The following PCDHGA6 variants were observed in gnomAD, a reference collection of about 807,000 sequenced individuals.
PCDHGA6 encodes protocadherin gamma subfamily A, 6.
In PCDHGA6, 41 loss-of-function variants were observed where a neutral mutation model predicts 60.6. The ratio of observed to expected loss-of-function variants is 0.68; its 90% CI spans 0.53 to 0.88. The LOEUF (loss-of-function observed/expected upper bound fraction) is 0.88. Among genes scored for constraint, PCDHGA6 ranks in the 40% least tolerant of loss-of-function variants. The pLI, the probability that PCDHGA6 is intolerant of heterozygous loss-of-function variation, is 0.00. For missense variants in PCDHGA6, 1,312 were observed against 1,203.0 expected (o/e 1.09, Z -1.34); for synonymous variants, 594 against 524.4 (o/e 1.13, Z -1.81).
At chr5:141,422,639 C>A (rs777330051) in intron 1 of PCDHGA6, 1 of 1,612,780 alleles carries the variant, frequency 6.2e-7, no homozygotes, top group South Asian at 1.1e-5. Context: ...AGGGGTGCCT[C>A]CATCTTCTCA....
In PCDHGA6 at chr5:141,404,747, G is replaced by A. The variant is rs142282950; in HGVS notation, c.2424+28240G>A. 3.0e-4 allele frequency: 483 copies of A among 1,614,062 alleles called. 2 individuals carry two copies. The African/African-American group carries it at 5.3e-3, about 18-fold the overall frequency. On this transcript the variant is annotated intron_variant, in intron 1 of 3. Coordinates refer to ENST00000517434, the MANE Select transcript of PCDHGA6 (RefSeq NM_018919.3). ...GGTGGTGGCAGTGGACAGAGACTCA[G>A]GCCAGAATGCTTGGCTCTCCTACCG...
chr5:141,428,090 G>A (rs1415146154), intron 1 of PCDHGA6: 1 of 1,608,870 alleles, frequency 6.2e-7, no homozygotes, highest in Non-Finnish European at 8.5e-7. Flanking sequence ...ACGCTTGGCT[G>A]TCCTACCACG....
chr5:141,510,814 CT>C, intron 3 of PCDHGA6, 132 bp from the exon 4 acceptor site: 1 of 1,544,688 alleles, frequency 6.5e-7, no homozygotes, highest in Non-Finnish European at 8.8e-7. Context: ...TTGGTGACCC[CT>C]ATATTCCCAG....
At chr5:141,398,698 T>C (rs2093690457) in intron 1 of PCDHGA6, 2 of 1,613,680 alleles carry the variant, frequency 1.2e-6, no homozygotes, top group Admixed American at 1.7e-5. Flanking sequence ...TGGTAGTAAA[T>C]ACCCGGAACT....
chr5:141,458,408 C>T (rs895785923), intron 1 of PCDHGA6, among the ~76,000 whole-genome samples: 3 of 151,932 alleles, frequency 2.0e-5, no homozygotes, highest in Non-Finnish European at 2.9e-5. Context: ...AGAGACGGAG[C>T]GGGGGTTCCA....
At chr5:141,440,983 G>A (rs2154559140) in intron 1 of PCDHGA6, 1 of 152,314 alleles carries the variant, frequency 6.6e-6, no homozygotes, top group South Asian at 2.1e-4. Flanking sequence ...TCACAACCCA[G>A]AGTACCCATA....
At chr5:141,399,189 A>G (rs1015744299) in intron 1 of PCDHGA6, 11 of 1,613,970 alleles carry the variant, frequency 6.8e-6, no homozygotes, top group African/African-American at 1.3e-5. Context: ...TGATTCTGGA[A>G]AACGCGGTGC....
intron 1 of PCDHGA6, chr5:141,404,186 C>T (rs767632448): frequency 3.1e-6 from 5 of 1,613,084 alleles, no homozygotes; most frequent in Non-Finnish European, 4.2e-6. Flanking sequence ...AATTCTTGAC[C>T]GAGAAAAAGC....
chr5:141,417,792 T>C, intron 1 of PCDHGA6: 1 of 1,483,216 alleles, frequency 6.7e-7, no homozygotes, highest in South Asian at 1.4e-5. Flanking sequence ...CCGAATGCTC[T>C]TTTAGCGCGG....
chr5:141,510,847 A>C (rs1279701390), intron 3 of PCDHGA6, 100 bp from the exon 4 acceptor site: 1 of 1,595,232 alleles, frequency 6.3e-7, no homozygotes, highest in Non-Finnish European at 8.6e-7. Context: ...GTCAAGGCCC[A>C]GGGTGCTGTA....
chr5:141,383,660 A>G (rs748941284), intron 1 of PCDHGA6: 1 of 1,614,030 alleles, frequency 6.2e-7, no homozygotes, highest in South Asian at 1.1e-5. Flanking sequence ...GTCCCCGAGA[A>G]TGTGCCAGTG....
At chr5:141,415,653 G>T in intron 1 of PCDHGA6, 1 of 1,539,362 alleles carries the variant, frequency 6.5e-7, no homozygotes, top group Non-Finnish European at 8.8e-7. Context: ...AAAAAAAAAA[G>T]ATTGGTTTTT....
At chr5:141,438,053 C>T (rs1023159995) in intron 1 of PCDHGA6, among the ~76,000 whole-genome samples, 2 of 152,112 alleles carry the variant, frequency 1.3e-5, no homozygotes, top group African/African-American at 4.8e-5. Context: ...TTTGAGTTCA[C>T]TTTTAAGAAA....
Position 141,404,625 on chromosome 5 carries a change from A to G in PCDHGA6, c.2424+28118A>G, listed in dbSNP as rs375300806. The G allele has an allele frequency of 9.0e-5, 146 of 1,614,036 alleles. No homozygotes were observed. The highest frequency in any genetic ancestry group is 5.1e-4 in the South Asian group (46 of 91,078). On this transcript the variant is annotated intron_variant, in intron 1 of 3. Transcript: ENST00000517434. ...CTGTTTGTTTTGGACCAGAATGACA[A>G]TGCCCCAGAAATCCTGTACCCTGCC...
chr5:141,433,802 A>G (rs2097651656), intron 1 of PCDHGA6, among the ~76,000 whole-genome samples: 1 of 149,280 alleles, frequency 6.7e-6, no homozygotes, highest in Non-Finnish European at 1.5e-5. Flanking sequence ...GTGCCATTGC[A>G]CTCCAGCCTG....
intron 1 of PCDHGA6, among the ~76,000 whole-genome samples, chr5:141,446,739 T>A (rs1292920572): frequency 2.6e-5 from 4 of 152,180 alleles, no homozygotes; most frequent in African/African-American, 7.2e-5. Flanking sequence ...AGTGTGGGGA[T>A]TACAGGCGTG....
intron 1 of PCDHGA6, chr5:141,383,141 G>A (rs781049830): frequency 1.2e-6 from 2 of 1,614,134 alleles, no homozygotes; most frequent in Admixed American, 1.7e-5. Flanking sequence ...AACCAGCGCA[G>A]CGGCAGCTTG....
intron 1 of PCDHGA6, chr5:141,395,873 G>A (rs1430280971): frequency 6.6e-6 from 1 of 152,046 alleles, no homozygotes; most frequent in Non-Finnish European, 1.5e-5. Flanking sequence ...TTAAGTATGT[G>A]AGTCAGTGGT....
chr5:141,424,391 C>T (rs2096818270), intron 1 of PCDHGA6: 1 of 152,106 alleles, frequency 6.6e-6, no homozygotes, highest in South Asian at 2.1e-4. Flanking sequence ...GATGTCTTTT[C>T]CATTACTATG....
Sources: gnomAD v4.1 joint callset for allele counts (sites outside exome capture counted in the v4.1 genomes callset) on GRCh38, gnomAD v4.1.1 for gene constraint, MANE v1.5 for transcripts, NCBI Gene and HGNC (gene_info 2026-07-23, HGNC 2026-07-21) for gene names.